IFFO1: variants seen among roughly 807,000 people sequenced by gnomAD.
IFFO1 encodes the protein intermediate filament family orphan 1.
A neutral mutation model predicts 59.6 loss-of-function variants in IFFO1; 42 were observed. The observed-to-expected ratio is 0.70, with a 90% CI of 0.55 to 0.91. The LOEUF (loss-of-function observed/expected upper bound fraction) is 0.91. IFFO1 is among the 40% of genes least tolerant of loss of function. The pLI is 0.00. For missense variants in IFFO1, 711 were observed against 793.2 expected, an observed-to-expected ratio of 0.90 and a Z score of 1.24; for synonymous variants, 336 against 342.8, an observed-to-expected ratio of 0.98 and a Z score of 0.22.
At chr12:6,551,970 C>G (rs1358161222) in intron 1 of IFFO1, 1 of 168,452 alleles carries the variant, frequency 5.9e-6, no homozygotes, top group African/African-American at 2.4e-5. Context: ...CTGCTTAGGA[C>G]CCGCCCGGCA....
chr12:6,549,277 C>A lies in IFFO1; in HGVS notation c.1080+199G>T. On this transcript the variant is annotated intron_variant, in intron 5 of 9. Transcript: ENST00000619571. The surrounding 1 kb of genome is among the most constrained non-coding windows in gnomAD (Gnocchi z 5.0). Reference sequence around the variant, plus strand: ...TGAATCACATCCAGATCTGGAAAGCCGGGGGAGAAGGGAGAGAAAGAAATG... The same window carrying A: ...TGAATCACATCCAGATCTGGAAAGCAGGGGGAGAAGGGAGAGAAAGAAATG... 3.1e-6 allele frequency: 2 copies of A among 643,558 alleles called. No individual in the cohort carries two copies. Among genetic ancestry groups the A allele is most frequent in the South Asian group, 1.9e-5 (1 of 51,704 alleles). 39.9% of individuals were successfully genotyped at this position (643,558 alleles called of 1,614,324 possible).
intron 1 of IFFO1, among the ~76,000 whole-genome samples, chr12:6,553,794 T>C (rs1947331424): frequency 1.3e-5 from 2 of 152,066 alleles, no homozygotes; most frequent in African/African-American, 4.8e-5. Flanking sequence ...CAAGGGTCTG[T>C]AGTCATGTGT....
chr12:6,550,189 C>T (rs1477084687), intron 3 of IFFO1: 1 of 396,394 alleles, frequency 2.5e-6, no homozygotes, highest in Non-Finnish European at 4.6e-6. Flanking sequence ...GACTAGCGGT[C>T]CTCATCCTCC....
rs1257758215 is a variant in IFFO1 at position 6,548,963 on chromosome 12, G to C, written c.1081-114C>G. 2 of 858,032 alleles carry C rather than the reference G, an allele frequency of 2.3e-6. No homozygotes were observed. Among genetic ancestry groups the C allele is most frequent in the Admixed American group, 2.5e-5 (1 of 39,250 alleles). The allele number at this position is 858,032 out of a possible 1,614,324, so 53.2% of individuals were successfully genotyped here. A position where few individuals can be genotyped will look rare whatever the true frequency, so the allele number is the denominator to read the frequency against. On this transcript the variant is annotated intron_variant, in intron 5 of 9. Coordinates refer to ENST00000619571, the MANE Select transcript of IFFO1 (RefSeq NM_001193457.2). The surrounding 1 kb of genome is among the most constrained non-coding windows in gnomAD (Gnocchi z 6.1). ...AGTAGGAAGGGGGGGCAGACAGAGA[G>C]AAAAGTCACAGTTACAATGACAGGA...
At position 6,541,654 on chromosome 12, in the gene IFFO1, C is replaced by A; in HGVS notation, c.1480-12G>T. ...GTGGCCAACTCCAGCTGTGGTGGGG[C>A]AGGCAGGGCCATCGGGGTTAACAGG... On this transcript the variant is annotated splice_polypyrimidine_tract_variant and intron_variant, in intron 8 of 9. Coordinates refer to ENST00000619571, the MANE Select transcript of IFFO1 (RefSeq NM_001193457.2). The surrounding 1 kb of genome is among the most constrained non-coding windows in gnomAD (Gnocchi z 4.8). The A allele has an allele frequency of 6.2e-7, 1 of 1,613,034 alleles. No homozygotes were observed. The highest frequency in any genetic ancestry group is 8.5e-7 in the Non-Finnish European group (1 of 1,179,236).
In IFFO1 at chr12:6,541,746, G is replaced by C; in HGVS notation, c.1480-104C>G. ...CACGCCAAGAGCAGTGGCTGGGCCG[G>C]GGGCCCAGGCAGCCATTACTGAAGG... On this transcript the variant is annotated intron_variant, in intron 8 of 9. Transcript: ENST00000619571. This position sits in a 1 kb window ranked among gnomAD's most constrained non-coding sequence, Gnocchi z 4.8. 2.1e-6 allele frequency: 3 copies of C among 1,432,022 alleles called. No homozygotes were observed. The highest frequency in any genetic ancestry group is 2.9e-6 in the Non-Finnish European group (3 of 1,038,716). 88.7% of individuals were successfully genotyped at this position (1,432,022 alleles called of 1,614,324 possible).
chr12:6,552,930 C>A (rs1202640941), intron 1 of IFFO1, among the ~76,000 whole-genome samples: 2 of 152,114 alleles, frequency 1.3e-5, no homozygotes, highest in African/African-American at 4.8e-5. Flanking sequence ...TCTGCATGGA[C>A]CAAATATCTC....
rs1946716883 is a variant in IFFO1 at position 6,541,618 on chromosome 12, C to T, written c.1504G>A (p.Asp502Asn). The T allele has an allele frequency of 1.2e-6, 2 of 1,613,994 alleles. No homozygotes were observed. The highest frequency in any genetic ancestry group is 1.3e-5 in the African/African-American group (1 of 74,938). The change falls in exon 9 of 10, where the codon GAC becomes AAC. Residue 502 changes from aspartate (D) to asparagine (N), a missense_variant. Asp to Asn is a conservative substitution (Grantham distance 23, BLOSUM62 1). Transcript: ENST00000619571. The surrounding 1 kb of genome is among the most constrained non-coding windows in gnomAD (Gnocchi z 4.8). ...TACTCGTGCAGGTGCCGGTTCATGTCGTTCTTGGCCGTGGCCAACTCCAGC... is the reference window on the plus strand; with the variant it reads ...TACTCGTGCAGGTGCCGGTTCATGTTGTTCTTGGCCGTGGCCAACTCCAGC... ...IELELATAKN[D>N]MNRHLHEYME...
chr12:6,553,088 C>G (rs965000781), intron 1 of IFFO1, among the ~76,000 whole-genome samples: 1 of 152,142 alleles, frequency 6.6e-6, no homozygotes, highest in African/African-American at 2.4e-5. Context: ...CCCAGTGTAG[C>G]GCTCAAGCCA....
intron 8 of IFFO1, among the ~76,000 whole-genome samples, chr12:6,543,007 G>A (rs1403262711): frequency 6.6e-6 from 1 of 152,234 alleles, no homozygotes; most frequent in Non-Finnish European, 1.5e-5. Flanking sequence ...GTCAGGAGGT[G>A]AACGTGCATG....
chr12:6,541,771 G>C lies in IFFO1; in HGVS notation c.1480-129C>G. 9.1e-7 allele frequency: 1 copy of C among 1,099,492 alleles called. No individual in the cohort carries two copies. The highest frequency in any genetic ancestry group is 1.3e-6 in the Non-Finnish European group (1 of 757,816). 68.1% of individuals were successfully genotyped at this position (1,099,492 alleles called of 1,614,324 possible). Reference sequence around the variant, plus strand: ...GGGGCCCAGGCAGCCATTACTGAAGGCTCAGATTTTAAAATAAACCAGACC... The same window carrying C: ...GGGGCCCAGGCAGCCATTACTGAAGCCTCAGATTTTAAAATAAACCAGACC... On this transcript the variant is annotated intron_variant, in intron 8 of 9. Coordinates refer to ENST00000619571, the MANE Select transcript of IFFO1 (RefSeq NM_001193457.2). The surrounding 1 kb of genome is among the most constrained non-coding windows in gnomAD (Gnocchi z 4.8).
rs1947143853 is a variant in IFFO1, at chr12:6,549,612, C to T, written c.1072-128G>A. The T allele has an allele frequency of 3.0e-6, 4 of 1,344,828 alleles. No homozygotes were observed. The highest frequency in any genetic ancestry group is 4.2e-6 in the Non-Finnish European group (4 of 950,448). 83.3% of individuals were successfully genotyped at this position (1,344,828 alleles called of 1,614,324 possible). Reference sequence around the variant, plus strand: ...ATGCCCCTCCTGATGCTGCTCCTTACCCCCCAGTCTAGCCCCGTGAGGGCC... The same window carrying T: ...ATGCCCCTCCTGATGCTGCTCCTTATCCCCCAGTCTAGCCCCGTGAGGGCC... On this transcript the variant is annotated intron_variant, in intron 4 of 9. Transcript: ENST00000619571. The surrounding 1 kb of genome is among the most constrained non-coding windows in gnomAD (Gnocchi z 5.0).
At position 6,540,116 on chromosome 12, in the gene IFFO1, TC is replaced by T; in HGVS notation, c.*366del. ...CCAGTGTGGAAGACAGTGAGCTGGCTCCGGACAACAGGGATGGAGGAAAGGT... is the reference window on the plus strand; with the variant it reads ...CCAGTGTGGAAGACAGTGAGCTGGCTCGGACAACAGGGATGGAGGAAAGGT... On this transcript the variant is annotated 3_prime_UTR_variant, in exon 10 of 10. Transcript: ENST00000619571. The T allele has an allele frequency of 1.2e-5, 4 of 336,210 alleles. No homozygotes were observed. The highest frequency in any genetic ancestry group is 2.8e-5 in the South Asian group (1 of 35,232). The allele number at this position is 336,210 out of a possible 1,614,324, so 20.8% of individuals were successfully genotyped here.
Position 6,548,038 on chromosome 12 carries a change from G to A in IFFO1, c.1479+27C>T, listed in dbSNP as rs370651654. ...CACTCAAAACCCTCTGGGACACCAC[G>A]CCCCTGGCTTCCGCTCCTGCCCTTA... On this transcript the variant is annotated intron_variant, in intron 8 of 9. Coordinates refer to ENST00000619571, the MANE Select transcript of IFFO1 (RefSeq NM_001193457.2). The surrounding 1 kb of genome is among the most constrained non-coding windows in gnomAD (Gnocchi z 6.1). 3.1e-5 allele frequency: 48 copies of A among 1,561,226 alleles called. No homozygotes were observed. The highest frequency in any genetic ancestry group is 1.1e-4 in the South Asian group (10 of 89,992).
Position 6,551,014 on chromosome 12 carries a change from G to T in IFFO1, c.774-13C>A. ...CTCCTCTTCCCACCTGACAGACATG[G>T]GAAGGGCGGAGAGAGCTTAGGTACA... is the stretch of plus-strand genomic sequence containing the variant. On this transcript the variant is annotated splice_polypyrimidine_tract_variant and intron_variant, in intron 1 of 9. Transcript: ENST00000619571. 6.2e-7 allele frequency: 1 copy of T among 1,613,992 alleles called. No homozygotes were observed. Among genetic ancestry groups the T allele is most frequent in the Admixed American group, 1.7e-5 (1 of 60,024 alleles).
At chr12:6,550,415 G>T in intron 3 of IFFO1, 1 of 515,406 alleles carries the variant, frequency 1.9e-6, no homozygotes, top group Non-Finnish European at 3.5e-6. Context: ...TCGGCCCAGC[G>T]CCCCGGCGCC....
Position 6,545,434 on chromosome 12 carries a change from G to A in IFFO1, c.1479+2631C>T, listed in dbSNP as rs184905372. Among the ~76,000 whole-genome samples the A allele has an allele frequency of 1.9e-3, 295 of 152,132 alleles. 1 individual carries two copies. Among genetic ancestry groups the A allele is most frequent in the African/African-American group, 6.7e-3 (280 of 41,516 alleles). ...CTCTCTGCCGGGCGCGGTGGCTCAC[G>A]CCTATAATCCCAGCACTTTGGGAGG... On this transcript the variant is annotated intron_variant, in intron 8 of 9. Transcript: ENST00000619571.
Position 6,548,931 on chromosome 12 carries a change from A to G in IFFO1, c.1081-82T>C. The G allele has an allele frequency of 8.4e-7, 1 of 1,187,926 alleles. No homozygotes were observed. The highest frequency in any genetic ancestry group is 1.2e-6 in the Non-Finnish European group (1 of 840,420). 73.6% of individuals were successfully genotyped at this position (1,187,926 alleles called of 1,614,324 possible). On this transcript the variant is annotated intron_variant, in intron 5 of 9. Transcript: ENST00000619571. This position sits in a 1 kb window ranked among gnomAD's most constrained non-coding sequence, Gnocchi z 6.1. ...GAGAGGGTGGGAATGGGGGAGAAGCATGAACCAGTAGGAAGGGGGGGCAGA... is the reference window on the plus strand; with the variant it reads ...GAGAGGGTGGGAATGGGGGAGAAGCGTGAACCAGTAGGAAGGGGGGGCAGA...
In IFFO1 at chr12:6,548,760, C is replaced by T. The variant is rs367764312; in HGVS notation, c.1170G>A (p.Ser390=). ...KAAVEEDTSL[S]ESEGPRQPDG... ...CGGGCTGGCGGGGCCCCTCACTCTC[C>T]GACAGGGAGGTGTCCTCCTCGACGG... Residue 390 remains serine, a synonymous_variant, in exon 6 of 10, where the codon TCG becomes TCA. Transcript: ENST00000619571. The surrounding 1 kb of genome is among the most constrained non-coding windows in gnomAD (Gnocchi z 6.1). 127 of 1,613,936 alleles carry T rather than the reference C, an allele frequency of 7.9e-5. No individual in the cohort carries two copies. Among genetic ancestry groups the T allele is most frequent in the Admixed American group, 4.8e-4 (29 of 60,008 alleles).
Sources: allele counts gnomAD v4.1 joint callset (sites outside exome capture counted in the v4.1 genomes callset), GRCh38; gene constraint gnomAD v4.1.1; non-coding constraint Gnocchi (gnomAD v3.1); transcripts MANE v1.5; gene names NCBI Gene and HGNC (gene_info 2026-07-23, HGNC 2026-07-21).